Variants in ZEB1 observed in about 807,000 individuals in gnomAD.
ZEB1 encodes zinc finger E-box binding homeobox 1.
In ZEB1, 21 loss-of-function variants were observed where a neutral mutation model predicts 84.9. The observed-to-expected ratio is 0.25, with a 90% CI of 0.18 to 0.36. The LOEUF is 0.36. Among genes scored for constraint, ZEB1 ranks in the 10% least tolerant of loss-of-function variants. The pLI is 1.00. For synonymous variants in ZEB1, 420 were observed against 471.1 expected, an observed-to-expected ratio of 0.89 and a Z score of 1.41; for missense variants, 1,104 against 1,330.2, an observed-to-expected ratio of 0.83 and a Z score of 2.65.
chr10:31,518,852 A>G (rs1359465194), intron 6 of ZEB1, among the ~76,000 whole-genome samples: 2 of 152,184 alleles, frequency 1.3e-5, no homozygotes, highest in Non-Finnish European at 2.9e-5. Context: ...GGTTTCTTAA[A>G]TCTCTTCCAA....
chr10:31,464,124 A>G (rs2062115110), intron 2 of ZEB1, among the ~76,000 whole-genome samples: 1 of 152,228 alleles, frequency 6.6e-6, no homozygotes, highest in Admixed American at 6.5e-5. Flanking sequence ...ATTTAACAAC[A>G]AATTAAACAG....
Position 31,526,553 on chromosome 10 carries a change from G to T in ZEB1, c.2786-119G>T, listed in dbSNP as rs528024368. On this transcript the variant is annotated intron_variant, in intron 8 of 8. Transcript: ENST00000424869. ...TACAAAGAGTTTGGGACCTGGAAATGTTTTAAAAATGAAACTAATAACCCT... is the reference window on the plus strand; with the variant it reads ...TACAAAGAGTTTGGGACCTGGAAATTTTTTAAAAATGAAACTAATAACCCT... 6.1e-5 allele frequency: 78 copies of T among 1,287,456 alleles called. No homozygotes were observed. The African/African-American group carries it at 1.1e-3, about 18-fold the overall frequency. 79.8% of individuals were successfully genotyped at this position (1,287,456 alleles called of 1,614,324 possible).
chr10:31,379,850 A>G (rs962402423), intron 1 of ZEB1, among the ~76,000 whole-genome samples: 2 of 152,054 alleles, frequency 1.3e-5, no homozygotes, highest in Admixed American at 6.6e-5. Context: ...TTTTTCCTCA[A>G]CTATTTTTAA....
intron 2 of ZEB1, among the ~76,000 whole-genome samples, chr10:31,483,837 C>T (rs161275): frequency 0.24 from 37,002 of 151,906 alleles, 10,284 homozygotes; most frequent in African/African-American, 0.69. Context: ...CACAAATTTA[C>T]TTTCTTTTGG....
intron 1 of ZEB1, among the ~76,000 whole-genome samples, chr10:31,341,659 C>T (rs970930914): frequency 6.6e-6 from 1 of 151,874 alleles, no homozygotes; most frequent in African/African-American, 2.4e-5. Flanking sequence ...ATAAGACCAT[C>T]AAGGGAAGGT....
At chr10:31,517,490 C>G (rs1362131456) in intron 6 of ZEB1, among the ~76,000 whole-genome samples, 1 of 142,652 alleles carries the variant, frequency 7.0e-6, no homozygotes, top group Non-Finnish European at 1.5e-5. Flanking sequence ...CAAACACCCA[C>G]CTTAGCCATT....
intron 2 of ZEB1, among the ~76,000 whole-genome samples, chr10:31,468,019 G>A (rs531836681): frequency 8.5e-5 from 13 of 152,182 alleles, no homozygotes; most frequent in South Asian, 4.1e-4. Flanking sequence ...GCCATCTGCT[G>A]GAATGAAATC....
rs757227457 is a variant in ZEB1 at position 31,510,770 on chromosome 10, T to C, written c.582T>C (p.His194=). 1.2e-6 allele frequency: 2 copies of C among 1,613,942 alleles called. No individual in the cohort carries two copies. Among genetic ancestry groups the C allele is most frequent in the Non-Finnish European group, 1.7e-6 (2 of 1,179,900 alleles). Residue 194 remains histidine (H), a synonymous_variant, in exon 5 of 9, where the codon CAT becomes CAC. Coordinates refer to ENST00000424869, the MANE Select transcript of ZEB1 (RefSeq NM_001174096.2). ...TSLKEHIKYR[H]EKNEDNFSCS... is the part of the protein sequence containing the mutation. ...TGAAAGAACACATTAAATATCGTCA[T>C]GAAAAGAATGAAGATAACTTTAGTT...
chr10:31,514,308 G>A (rs2139613281), intron 5 of ZEB1, among the ~76,000 whole-genome samples: 1 of 152,138 alleles, frequency 6.6e-6, no homozygotes, highest in East Asian at 1.9e-4. Context: ...TTTGAATATT[G>A]TTTAATAAAG....
intron 3 of ZEB1, among the ~76,000 whole-genome samples, chr10:31,501,179 CAG>C (rs1385086892): frequency 7.9e-5 from 12 of 152,208 alleles, no homozygotes; most frequent in Non-Finnish European, 1.8e-4. Context: ...ACAGTTCAGT[CAG>C]AGTCTATAAA....
At chr10:31,463,544 G>A (rs768169095) in intron 2 of ZEB1, among the ~76,000 whole-genome samples, 5 of 152,162 alleles carry the variant, frequency 3.3e-5, no homozygotes, top group Non-Finnish European at 7.4e-5. Context: ...TAGTTTAATA[G>A]CAGTATGGAT....
At chr10:31,413,613 T>TAA (rs140962256) in intron 1 of ZEB1, among the ~76,000 whole-genome samples, 11,892 of 152,114 alleles carry the variant, frequency 0.078, 661 homozygotes, top group African/African-American at 0.16. Context: ...AGTAAGCTGA[T>TAA]ACAGGCTGGT....
chr10:31,488,523 T>C (rs2066048416), intron 2 of ZEB1, among the ~76,000 whole-genome samples: 1 of 151,008 alleles, frequency 6.6e-6, no homozygotes, highest in South Asian at 2.1e-4. Context: ...CTCACTGTTT[T>C]TTTTTTTAAT....
intron 8 of ZEB1, 128 bp from the exon 9 acceptor site, chr10:31,526,544 C>T: frequency 5.1e-6 from 6 of 1,179,832 alleles, no homozygotes; most frequent in Non-Finnish European, 6.0e-6. Flanking sequence ...GAGTTTGGGA[C>T]CTGGAAATGT....
rs1326700361 is a variant in ZEB1, at chr10:31,454,840, A to C, written c.59-6197A>C. ...ATAGTGAAAATGGCCATACTGCCGA[A>C]AGTAATTTATAGATTCAATACTGTC... On this transcript the variant is annotated intron_variant, in intron 1 of 8. Transcript: ENST00000424869. 2.0e-5 allele frequency among the ~76,000 whole-genome samples: 3 copies of C among 152,232 alleles called. No homozygotes were observed. In the East Asian group the frequency reaches 5.8e-4, roughly 29 times the overall value.
At chr10:31,333,556 C>G (rs2037277919) in intron 1 of ZEB1, among the ~76,000 whole-genome samples, 1 of 151,646 alleles carries the variant, frequency 6.6e-6, no homozygotes, top group Non-Finnish European at 1.5e-5. Flanking sequence ...GAATAAAAAT[C>G]TAGAAGGTAT....
Position 31,520,007 on chromosome 10 carries a change from C to A in ZEB1, c.794-119C>A. 7.6e-7 allele frequency: 1 copy of A among 1,315,446 alleles called. No individual in the cohort carries two copies. Among genetic ancestry groups the A allele is most frequent in the South Asian group, 1.3e-5 (1 of 75,210 alleles). The allele number at this position is 1,315,446 out of a possible 1,614,324, so 81.5% of individuals were successfully genotyped here. ...GTTTATTCTAAATACAGTTCTGTCA[C>A]AAGCATGCATGGCAGTCTTCTTTTT... On this transcript the variant is annotated intron_variant, in intron 6 of 8. Transcript: ENST00000424869. The surrounding 1 kb of genome is among the most constrained non-coding windows in gnomAD (Gnocchi z 5.1).
chr10:31,343,595 A>G (rs892036191), intron 1 of ZEB1, among the ~76,000 whole-genome samples: 1 of 152,106 alleles, frequency 6.6e-6, no homozygotes, highest in Non-Finnish European at 1.5e-5. Context: ...CACAGAAATT[A>G]GTATCATTCT....
chr10:31,440,543 G>A (rs1159034558), intron 1 of ZEB1, among the ~76,000 whole-genome samples: 1 of 152,090 alleles, frequency 6.6e-6, no homozygotes, highest in Non-Finnish European at 1.5e-5. Context: ...CATATTGTTG[G>A]AAATTCTGGC....
Sources: gnomAD v4.1 joint callset for allele counts (sites outside exome capture counted in the v4.1 genomes callset) on GRCh38, gnomAD v4.1.1 for gene constraint, Gnocchi (gnomAD v3.1) non-coding constraint, MANE v1.5 for transcripts, NCBI Gene and HGNC (gene_info 2026-07-23, HGNC 2026-07-21) for gene names.